The following PREP variants were observed in gnomAD, a reference collection of about 807,000 sequenced individuals.
The protein encoded by PREP is prolyl endopeptidase.
Under a neutral mutation model 87.6 loss-of-function variants are expected in PREP, and 29 were observed. The observed-to-expected ratio is 0.33, with a 90% CI of 0.25 to 0.45. The LOEUF is 0.45. Among genes scored for constraint, PREP ranks in the 20% least tolerant of loss-of-function variants. The pLI, the probability that PREP is intolerant of heterozygous loss-of-function variation, is 1.00. For synonymous variants in PREP, 337 were observed against 328.6 expected (o/e 1.03, Z -0.28); for missense variants, 695 against 886.5 (o/e 0.78, Z 2.74).
chr6:105,387,607 T>TAAAAAAAAAAAAAAAA (rs564808829), intron 2 of PREP, among the ~76,000 whole-genome samples: 1 of 94,366 alleles, frequency 1.1e-5, no homozygotes, highest in Non-Finnish European at 2.5e-5. Flanking sequence ...GCTGATGAGC[T>TAAAAAAAAAAAAAAAA]AAAAAAAAAA....
chr6:105,377,490 A>G lies in PREP; in HGVS notation c.150T>C (p.Thr50=), dbSNP rs759431301. 6.2e-7 allele frequency: 1 copy of G among 1,613,924 alleles called. No homozygotes were observed. The highest frequency in any genetic ancestry group is 2.2e-5 in the East Asian group (1 of 44,872). Residue 50 remains threonine (T), a synonymous_variant, in exon 3 of 15, where the codon ACT becomes ACC. Transcript: ENST00000652536. ...KAFVEAQNKI[T]VPFLEQCPIR... ...TGGGACACTGCTCAAGAAATGGCAC[A>G]GTAATCTTATTCTGGGCCTCCACAA...
chr6:105,385,287 A>AG (rs1772961182), intron 2 of PREP, among the ~76,000 whole-genome samples: 1 of 150,632 alleles, frequency 6.6e-6, no homozygotes. Flanking sequence ...CTGCTTTAAA[A>AG]AAAAAAAAAA....
In PREP at chr6:105,383,277, C is replaced by T. The variant is rs143754926; in HGVS notation, c.121-5758G>A. Among the ~76,000 whole-genome samples the T allele has an allele frequency of 4.7e-4, 70 of 150,316 alleles. No individual in the cohort carries two copies. The East Asian group carries it at 0.01, about 23-fold the overall frequency. On this transcript the variant is annotated intron_variant, in intron 2 of 14. Coordinates refer to ENST00000652536, the MANE Select transcript of PREP (RefSeq NM_002726.5). ...TTAAAAAAAAAAAAAAAAGAGTGCT[C>T]GTAATTTTCCAGGACTTACTCAATA...
At chr6:105,306,245 T>G (rs549966350) in intron 10 of PREP, among the ~76,000 whole-genome samples, 1 of 152,302 alleles carries the variant, frequency 6.6e-6, no homozygotes, top group African/African-American at 2.4e-5. Context: ...CATGGTATAC[T>G]TTACTGATGA....
At chr6:105,366,612 T>C (rs1039515549) in intron 6 of PREP, among the ~76,000 whole-genome samples, 10 of 152,252 alleles carry the variant, frequency 6.6e-5, no homozygotes, top group African/African-American at 2.4e-4. Context: ...ATGCATGTGA[T>C]ATATTTCCAC....
At chr6:105,283,511 A>G (rs1770124759) in intron 12 of PREP, among the ~76,000 whole-genome samples, 1 of 152,228 alleles carries the variant, frequency 6.6e-6, no homozygotes, top group Non-Finnish European at 1.5e-5. Context: ...AATGTTTTTC[A>G]TATCAAAACA....
intron 1 of PREP, among the ~76,000 whole-genome samples, chr6:105,402,239 C>T (rs972692287): frequency 6.6e-6 from 1 of 152,192 alleles, no homozygotes; most frequent in African/African-American, 2.4e-5. Context: ...TATGGGGTCA[C>T]TGCTCCGCCT....
chr6:105,274,142 G>C lies in PREP; in HGVS notation c.*4002C>G, dbSNP rs1434143257. 6.6e-6 allele frequency among the ~76,000 whole-genome samples: 1 copy of C among 152,100 alleles called. No individual in the cohort carries two copies. Among genetic ancestry groups the C allele is most frequent in the African/African-American group, 2.4e-5 (1 of 41,412 alleles). On this transcript the variant is annotated 3_prime_UTR_variant, in exon 15 of 15. Coordinates refer to ENST00000652536, the MANE Select transcript of PREP (RefSeq NM_002726.5). ...CTGCTATAAGAAAATACCATAAACT[G>C]GTGGGTTGTCAACAACAGAAATTGC...
chr6:105,341,884 G>A (rs1194099290), intron 7 of PREP, among the ~76,000 whole-genome samples: 3 of 152,128 alleles, frequency 2.0e-5, no homozygotes, highest in Non-Finnish European at 2.9e-5. Context: ...CTCTGAAATT[G>A]AGGCAATAAT....
chr6:105,289,166 T>C (rs1417185402), intron 10 of PREP, among the ~76,000 whole-genome samples: 2 of 152,158 alleles, frequency 1.3e-5, no homozygotes, highest in Non-Finnish European at 2.9e-5. Context: ...ACATCGTTTA[T>C]CCTCTCCCAG....
rs895096506 is a variant in PREP at position 105,328,914 on chromosome 6, C to T, written c.1128G>A (p.Pro376=). ...ACCCTACAATGCTGCCGACATCGAG[C>T]GGGAAGGTCTTAAGGAGAGCACCAG... ...LTTGALLKTF[P]LDVGSIVGYS... Residue 376 remains proline (P), a synonymous_variant, in exon 9 of 15, where the codon CCG becomes CCA. Coordinates refer to ENST00000652536, the MANE Select transcript of PREP (RefSeq NM_002726.5). The T allele has an allele frequency of 7.4e-6, 12 of 1,613,964 alleles. No individual in the cohort carries two copies. Among genetic ancestry groups the T allele is most frequent in the East Asian group, 2.2e-5 (1 of 44,894 alleles).
intron 4 of PREP, among the ~76,000 whole-genome samples, chr6:105,374,626 A>T (rs1772638353): frequency 7.5e-6 from 1 of 133,842 alleles, no homozygotes; most frequent in Non-Finnish European, 1.6e-5. Context: ...GGAGTGTTTG[A>T]ATTGTTTATA....
chr6:105,275,978 A>G lies in PREP; in HGVS notation c.*2166T>C, dbSNP rs1026289970. 6.6e-6 allele frequency among the ~76,000 whole-genome samples: 1 copy of G among 152,244 alleles called. No individual in the cohort carries two copies. The highest frequency in any genetic ancestry group is 2.4e-5 in the African/African-American group (1 of 41,460). ...ATCAGTAGGGTGTCTATAGTTTACA[A>G]TAATCTACTGTGCATTTCAAAATAG... On this transcript the variant is annotated 3_prime_UTR_variant, in exon 15 of 15. Transcript: ENST00000652536.
intron 7 of PREP, among the ~76,000 whole-genome samples, chr6:105,344,365 G>A (rs369686974): frequency 3.9e-5 from 6 of 152,098 alleles, no homozygotes; most frequent in Admixed American, 6.6e-5. Flanking sequence ...GGTGGCGGGC[G>A]CCTGTAGTCC....
At position 105,369,041 on chromosome 6, in the gene PREP, T is replaced by C. The variant is rs369762193; in HGVS notation, c.596-17A>G. On this transcript the variant is annotated splice_polypyrimidine_tract_variant and intron_variant, in intron 5 of 14. Coordinates refer to ENST00000652536, the MANE Select transcript of PREP (RefSeq NM_002726.5). The stretch of plus-strand genomic sequence containing the variant: ...TCTCTGTGCCTGAAGGAGTTAAAAA[T>C]GTACACTGAAATGTACTTGATAATT... The C allele has an allele frequency of 6.8e-6, 11 of 1,613,060 alleles. No homozygotes were observed. The highest frequency in any genetic ancestry group is 1.3e-5 in the African/African-American group (1 of 74,908).
chr6:105,306,585 C>T (rs1236256387), intron 10 of PREP, among the ~76,000 whole-genome samples: 2 of 152,128 alleles, frequency 1.3e-5, no homozygotes, highest in African/African-American at 4.8e-5. Context: ...TCTGCAATAC[C>T]ACACCATCCT....
At chr6:105,291,245 G>T (rs552040402) in intron 10 of PREP, among the ~76,000 whole-genome samples, 45 of 152,346 alleles carry the variant, frequency 3.0e-4, no homozygotes, top group Middle Eastern at 6.8e-3. Flanking sequence ...GAAGGCTGGA[G>T]TGACTGGCAT....
At chr6:105,372,049 C>T (rs1000731836) in intron 5 of PREP, among the ~76,000 whole-genome samples, 2 of 152,012 alleles carry the variant, frequency 1.3e-5, no homozygotes, top group Non-Finnish European at 1.5e-5. Context: ...TTTCTTTAGC[C>T]AACATCCTTG....
chr6:105,380,671 G>A (rs1260083122), intron 2 of PREP, among the ~76,000 whole-genome samples: 2 of 152,116 alleles, frequency 1.3e-5, no homozygotes, highest in Non-Finnish European at 2.9e-5. Context: ...ATTTCCCAGA[G>A]GGCCTCACCA....
Sources: allele counts gnomAD v4.1 joint callset (sites outside exome capture counted in the v4.1 genomes callset), GRCh38; gene constraint gnomAD v4.1.1; transcripts MANE v1.5; gene names NCBI Gene and HGNC (gene_info 2026-07-23, HGNC 2026-07-21).